The following FHIT variants were observed in gnomAD, a reference collection of about 807,000 sequenced individuals.
FHIT encodes fragile histidine triad diadenosine triphosphatase.
In FHIT, 19 loss-of-function variants were observed where a neutral mutation model predicts 17.9. The ratio of observed to expected loss-of-function variants is 1.06; its 90% CI spans 0.74 to 1.56. The LOEUF is 1.56. Among genes scored for constraint, FHIT ranks in the 40% most tolerant of loss-of-function variants. The pLI, the probability that FHIT is intolerant of heterozygous loss-of-function variation, is 0.00. For missense variants in FHIT, 248 were observed against 189.2 expected (o/e 1.31, Z -1.82); for synonymous variants, 81 against 69.7 (o/e 1.16, Z -0.81).
chr3:60,392,214 A>G (rs1381362166), intron 5 of FHIT, among the ~76,000 whole-genome samples: 1 of 152,190 alleles, frequency 6.6e-6, no homozygotes, highest in African/African-American at 2.4e-5. Context: ...AAGATCCCGT[A>G]TCAGAGCAAC....
chr3:60,347,776 GA>G (rs1221262518), intron 5 of FHIT, among the ~76,000 whole-genome samples: 1 of 122,046 alleles, frequency 8.2e-6, no homozygotes, highest in Non-Finnish European at 1.7e-5. Context: ...ATTTTTTTTT[GA>G]GACAAAGTCT....
chr3:60,037,818 A>T (rs1056770347), intron 5 of FHIT, among the ~76,000 whole-genome samples: 9 of 151,760 alleles, frequency 5.9e-5, no homozygotes, highest in Middle Eastern at 3.2e-3. Flanking sequence ...GGTTCAAGCA[A>T]TTCTCCCGCC....
intron 7 of FHIT, among the ~76,000 whole-genome samples, chr3:59,961,346 T>C (rs1707668811): frequency 1.3e-5 from 2 of 152,170 alleles, no homozygotes; most frequent in Admixed American, 6.6e-5. Flanking sequence ...TATTAGATAC[T>C]GAGCACTAAA....
intron 4 of FHIT, among the ~76,000 whole-genome samples, chr3:60,728,728 C>CACACAT (rs1423904973): frequency 6.6e-6 from 1 of 151,534 alleles, no homozygotes; most frequent in Non-Finnish European, 1.5e-5. Context: ...CACACACACA[C>CACACAT]ACAATTGGCA....
chr3:60,147,286 C>A (rs1235117870), intron 5 of FHIT, among the ~76,000 whole-genome samples: 1 of 152,154 alleles, frequency 6.6e-6, no homozygotes, highest in African/African-American at 2.4e-5. Context: ...ATCTCACCTA[C>A]AAACCGAGTA....
intron 8 of FHIT, among the ~76,000 whole-genome samples, chr3:59,886,696 AC>A (rs1418274598): frequency 6.6e-6 from 1 of 152,152 alleles, no homozygotes; most frequent in African/African-American, 2.4e-5. Context: ...TGATGGATCT[AC>A]CCTCATCACC....
intron 5 of FHIT, among the ~76,000 whole-genome samples, chr3:60,527,003 G>C (rs1418689207): frequency 6.6e-6 from 1 of 152,204 alleles, no homozygotes; most frequent in Non-Finnish European, 1.5e-5. Flanking sequence ...GTATGTTTCA[G>C]TGAGGTAGGA....
In FHIT at chr3:60,955,621, T is replaced by TAC. The variant is rs1464249784; in HGVS notation, c.-111+86425_-111+86426insGT. 9.0e-3 allele frequency among the ~76,000 whole-genome samples: 136 copies of TAC among 15,066 alleles called. 3 individuals carry two copies. The highest frequency in any genetic ancestry group is 0.032 in the South Asian group (6 of 190). 9.9% of individuals were successfully genotyped at this position (15,066 alleles called of 152,430 possible). A position where few individuals can be genotyped will look rare whatever the true frequency, so the allele number is the denominator to read the frequency against. On this transcript the variant is annotated intron_variant, in intron 3 of 9. Transcript: ENST00000492590. ...ACATATATATATATATATATATATA[T>TAC]ATATATATATATACACACACACACA...
chr3:60,889,743 T>C (rs551575676), intron 3 of FHIT, among the ~76,000 whole-genome samples: 34 of 152,088 alleles, frequency 2.2e-4, no homozygotes, highest in Non-Finnish European at 4.7e-4. Context: ...TTGACAGAAA[T>C]AGGTAAGTAA....
intron 5 of FHIT, among the ~76,000 whole-genome samples, chr3:60,054,055 A>C (rs1181578933): frequency 6.6e-6 from 1 of 152,222 alleles, no homozygotes; most frequent in Non-Finnish European, 1.5e-5. Flanking sequence ...AACAAATTTA[A>C]TAATTTTGCT....
chr3:60,025,166 G>T (rs138796540), intron 5 of FHIT, among the ~76,000 whole-genome samples: 65 of 152,278 alleles, frequency 4.3e-4, no homozygotes, highest in African/African-American at 1.5e-3. Context: ...ACCATTTGGA[G>T]ACTTTTCTTT....
intron 4 of FHIT, among the ~76,000 whole-genome samples, chr3:60,561,049 C>T (rs2734362): frequency 0.95 from 144,896 of 151,996 alleles, 69,123 homozygotes; most frequent in East Asian, 1. Flanking sequence ...GCTGAATGAA[C>T]AAATGGATTC....
intron 4 of FHIT, among the ~76,000 whole-genome samples, chr3:60,711,428 T>C (rs2041528485): frequency 6.6e-6 from 1 of 152,224 alleles, no homozygotes; most frequent in Non-Finnish European, 1.5e-5. Flanking sequence ...GGACAGAGAA[T>C]GACTTTGACA....
intron 5 of FHIT, among the ~76,000 whole-genome samples, chr3:60,175,565 C>G (rs1368542233): frequency 2.0e-5 from 3 of 152,050 alleles, no homozygotes; most frequent in African/African-American, 7.2e-5. Context: ...TTTGGGAAGT[C>G]TAAATGGCAA....
intron 4 of FHIT, among the ~76,000 whole-genome samples, chr3:60,795,947 G>C (rs1176693419): frequency 1.3e-5 from 2 of 152,188 alleles, no homozygotes; most frequent in Non-Finnish European, 2.9e-5. Context: ...GGAAGAAAAA[G>C]AGGTTTAATT....
At chr3:61,011,264 T>C (rs549419508) in intron 3 of FHIT, among the ~76,000 whole-genome samples, 1 of 152,202 alleles carries the variant, frequency 6.6e-6, no homozygotes, top group Admixed American at 6.5e-5. Context: ...CAAATTTCAT[T>C]GTAGAAACGT....
intron 5 of FHIT, among the ~76,000 whole-genome samples, chr3:60,141,161 G>C (rs1413898805): frequency 6.6e-6 from 1 of 152,064 alleles, no homozygotes; most frequent in Non-Finnish European, 1.5e-5. Flanking sequence ...GAAGAGATGA[G>C]GCTATCACCT....
At chr3:61,207,606 T>C (rs932469105) in intron 1 of FHIT, among the ~76,000 whole-genome samples, 2 of 152,214 alleles carry the variant, frequency 1.3e-5, no homozygotes, top group African/African-American at 4.8e-5. Flanking sequence ...TTTATTTGCA[T>C]AGAGGTGTTC....
rs190700068 is a variant in FHIT, at chr3:60,343,538, A to G, written c.103+193322T>C. ...GATGAGGAAAGGTGGTGTATTAAATATTCCTAACACCACTTTCCCCAGATA... is the reference window on the plus strand; with the variant it reads ...GATGAGGAAAGGTGGTGTATTAAATGTTCCTAACACCACTTTCCCCAGATA... On this transcript the variant is annotated intron_variant, in intron 5 of 9. Transcript: ENST00000492590. Among the ~76,000 whole-genome samples, 6 of 152,300 alleles carry G rather than the reference A, an allele frequency of 3.9e-5. No homozygotes were observed. The East Asian group carries it at 1.2e-3, about 29-fold the overall frequency.
Sources: allele counts gnomAD v4.1 joint callset (sites outside exome capture counted in the v4.1 genomes callset), GRCh38; gene constraint gnomAD v4.1.1; transcripts MANE v1.5; gene names NCBI Gene and HGNC (gene_info 2026-07-23, HGNC 2026-07-21).